The following MARCHF4 variants were observed in gnomAD, a reference collection of about 807,000 sequenced individuals.
MARCHF4 encodes the protein membrane associated ring-CH-type finger 4.
Under a neutral mutation model 43.9 loss-of-function variants are expected in MARCHF4, and 14 were observed. That is an observed-to-expected ratio of 0.32 (90% CI 0.21 to 0.50). The LOEUF (loss-of-function observed/expected upper bound fraction) is 0.50. MARCHF4 is among the 20% of genes least tolerant of loss of function. MARCHF4 has a pLI of 0.98. For missense variants in MARCHF4, 468 were observed against 536.7 expected, an observed-to-expected ratio of 0.87 and a Z score of 1.27; for synonymous variants, 226 against 213.3, an observed-to-expected ratio of 1.06 and a Z score of -0.52.
At chr2:216,333,952 C>A (rs1692118982) in intron 1 of MARCHF4, among the ~76,000 whole-genome samples, 1 of 149,702 alleles carries the variant, frequency 6.7e-6, no homozygotes, top group East Asian at 1.9e-4. Flanking sequence ...AACAGCCTGG[C>A]TGAAGTAATT....
intron 1 of MARCHF4, among the ~76,000 whole-genome samples, chr2:216,362,954 C>G (rs1287283995): frequency 6.6e-6 from 1 of 152,082 alleles, no homozygotes; most frequent in Non-Finnish European, 1.5e-5. Flanking sequence ...GGCTTCCTTC[C>G]CAGCAAACAA....
chr2:216,323,149 A>C (rs1352988866), intron 1 of MARCHF4, among the ~76,000 whole-genome samples: 2 of 152,160 alleles, frequency 1.3e-5, no homozygotes, highest in East Asian at 1.9e-4. Context: ...CTGATACCCT[A>C]GTAAGTTATA....
At chr2:216,315,501 T>C (rs1049693624) in intron 1 of MARCHF4, among the ~76,000 whole-genome samples, 5 of 152,210 alleles carry the variant, frequency 3.3e-5, no homozygotes, top group Admixed American at 1.3e-4. Flanking sequence ...TCTATTATGA[T>C]TTAAAATCAG....
At chr2:216,324,061 C>A (rs1691948492) in intron 1 of MARCHF4, among the ~76,000 whole-genome samples, 1 of 151,018 alleles carries the variant, frequency 6.6e-6, no homozygotes, top group Non-Finnish European at 1.5e-5. Context: ...AATTGATAGA[C>A]CGCTAGCAAG....
rs73066462 is a variant in MARCHF4 at position 216,330,634 on chromosome 2, T to C, written c.516+39111A>G. On this transcript the variant is annotated intron_variant, in intron 1 of 3. Transcript: ENST00000273067. ...ACATATATTGTGGCAAAAACCAAGTTCTAAGAAAATCCCAAGAACTGAAAT... is the reference window on the plus strand; with the variant it reads ...ACATATATTGTGGCAAAAACCAAGTCCTAAGAAAATCCCAAGAACTGAAAT... Among the ~76,000 whole-genome samples the C allele has an allele frequency of 7.8e-3, 1,186 of 152,244 alleles. 12 individuals are homozygous for C. Among genetic ancestry groups the C allele is most frequent in the African/African-American group, 0.027 (1,120 of 41,556 alleles).
Position 216,335,670 on chromosome 2 carries a change from G to A in MARCHF4, c.516+34075C>T, listed in dbSNP as rs561441162. Among the ~76,000 whole-genome samples, 74 of 152,250 alleles carry A rather than the reference G, an allele frequency of 4.9e-4. No individual in the cohort carries two copies. In the South Asian group the frequency reaches 6.8e-3, roughly 14 times the overall value. On this transcript the variant is annotated intron_variant, in intron 1 of 3. Coordinates refer to ENST00000273067, the MANE Select transcript of MARCHF4 (RefSeq NM_020814.3). ...AACTGTTCCAGGCAGCCAAAAAAGA[G>A]TACAGAAATCTAGGAGAGATTACTT...
chr2:216,289,233 A>ACCCCCCCC (rs199838607), intron 1 of MARCHF4, among the ~76,000 whole-genome samples: 1 of 102,596 alleles, frequency 9.7e-6, no homozygotes, highest in Non-Finnish European at 2.0e-5. Flanking sequence ...TTTCTTCCCC[A>ACCCCCCCC]CCCGCCCCCC....
At chr2:216,303,269 C>T (rs1691523668) in intron 1 of MARCHF4, 1 of 152,242 alleles carries the variant, frequency 6.6e-6, no homozygotes, top group African/African-American at 2.4e-5. Context: ...AGGCCTCCCA[C>T]TATTGAAAAC....
At chr2:216,350,393 T>C (rs11691655) in intron 1 of MARCHF4, among the ~76,000 whole-genome samples, 62,018 of 145,628 alleles carry the variant, frequency 0.43, 13,914 homozygotes, top group East Asian at 0.79. Context: ...TCCCTCACCA[T>C]GCCACAACCC....
intron 1 of MARCHF4, among the ~76,000 whole-genome samples, chr2:216,342,855 G>A (rs1692257391): frequency 6.6e-6 from 1 of 152,180 alleles, no homozygotes; most frequent in Non-Finnish European, 1.5e-5. Context: ...CCCAGGCCCT[G>A]GGTGGGGCCA....
intron 3 of MARCHF4, among the ~76,000 whole-genome samples, chr2:216,263,260 C>G (rs1438504773): frequency 6.6e-6 from 1 of 152,186 alleles, no homozygotes; most frequent in Non-Finnish European, 1.5e-5. Flanking sequence ...AACCCCATCT[C>G]TACTAAAAAT....
chr2:216,301,771 G>C (rs1478932940), intron 1 of MARCHF4, among the ~76,000 whole-genome samples: 1 of 152,168 alleles, frequency 6.6e-6, no homozygotes, highest in Non-Finnish European at 1.5e-5. Flanking sequence ...GTGGTTTTTG[G>C]AGAATGTTGG....
chr2:216,359,599 G>T (rs141565947), intron 1 of MARCHF4, among the ~76,000 whole-genome samples: 1 of 152,154 alleles, frequency 6.6e-6, no homozygotes, highest in Admixed American at 6.5e-5. Flanking sequence ...AGCTTCAGTC[G>T]CATTTGCAGT....
rs551507702 is a variant in MARCHF4 at position 216,351,341 on chromosome 2, G to C, written c.516+18404C>G. 5 of 152,618 alleles carry C rather than the reference G, an allele frequency of 3.3e-5. No individual in the cohort carries two copies. The South Asian group carries it at 1.0e-3, about 32-fold the overall frequency. The allele number at this position is 152,618 out of a possible 1,614,324, so 9.5% of individuals were successfully genotyped here. A position where few individuals can be genotyped will look rare whatever the true frequency, so the allele number is the denominator to read the frequency against. On this transcript the variant is annotated intron_variant, in intron 1 of 3. Coordinates refer to ENST00000273067, the MANE Select transcript of MARCHF4 (RefSeq NM_020814.3). ...AAGAAATTGTCAACCCTTTTCGAGA[G>C]GCTGAAGGCTTATCAGCAGAGGGAA...
At chr2:216,320,612 TTTCTTTC>T (rs1559098526) in intron 1 of MARCHF4, among the ~76,000 whole-genome samples, 3 of 17,642 alleles carry the variant, frequency 1.7e-4, no homozygotes, top group African/African-American at 8.2e-4. Context: ...CCTCTTTTTC[TTTCTTTC>T]TTTCTTTCTT....
chr2:216,299,435 C>T (rs544506801), intron 1 of MARCHF4, among the ~76,000 whole-genome samples: 87 of 152,332 alleles, frequency 5.7e-4, no homozygotes, highest in South Asian at 3.7e-3. Context: ...ACATTTAAAA[C>T]TTGTCAGTCA....
intron 1 of MARCHF4, among the ~76,000 whole-genome samples, chr2:216,292,648 C>T (rs1406053709): frequency 6.6e-6 from 1 of 152,230 alleles, no homozygotes. Flanking sequence ...GTCAGTAACA[C>T]ACACACAACC....
intron 1 of MARCHF4, among the ~76,000 whole-genome samples, chr2:216,306,512 T>C (rs1008347621): frequency 6.6e-6 from 1 of 152,226 alleles, no homozygotes; most frequent in African/African-American, 2.4e-5. Flanking sequence ...TATAATCTTC[T>C]GCCAGATTTT....
rs1691051174 is a variant in MARCHF4 at position 216,277,776 on chromosome 2, C to A, written c.761G>T (p.Trp254Leu). 6.2e-7 allele frequency: 1 copy of A among 1,614,076 alleles called. No homozygotes were observed. Among genetic ancestry groups the A allele is most frequent in the African/African-American group, 1.3e-5 (1 of 74,940 alleles). The change falls in exon 3 of 4, where the codon TGG becomes TTG. Residue 254 changes from tryptophan to leucine, a missense_variant. Physicochemically the swap from Trp to Leu is moderately conservative, Grantham distance 61. This residue lies in a region of MARCHF4 where 158 missense variants were observed against 251.1 expected (regional missense o/e 0.63). Coordinates refer to ENST00000273067, the MANE Select transcript of MARCHF4 (RefSeq NM_020814.3). ...GGGGCTGAAAGTTGACCAGATGAGCCAAGAAATACTGGCGATGAGGAAGAG... is the reference window on the plus strand; with the variant it reads ...GGGGCTGAAAGTTGACCAGATGAGCAAAGAAATACTGGCGATGAGGAAGAG... Reference protein sequence around the residue: ...GSLFLIASISWLIWSTFSPSA... With the variant: ...GSLFLIASISLLIWSTFSPSA...
Sources: gnomAD v4.1 joint callset for allele counts (sites outside exome capture counted in the v4.1 genomes callset) on GRCh38, gnomAD v4.1.1 for gene constraint, gnomAD v4.1.1 regional missense constraint, MANE v1.5 for transcripts, NCBI Gene and HGNC (gene_info 2026-07-23, HGNC 2026-07-21) for gene names.